The following NINJ2 variants were observed in gnomAD, a reference collection of about 807,000 sequenced individuals.
NINJ2 encodes ninjurin 2, also known as ninjurin-2.
A neutral mutation model predicts 11.7 loss-of-function variants in NINJ2; 12 were observed. The observed-to-expected ratio is 1.02, with a 90% CI of 0.66 to 1.66. The LOEUF (loss-of-function observed/expected upper bound fraction) is 1.66. Among genes scored for constraint, NINJ2 ranks in the 40% most tolerant of loss-of-function variants. The probability of loss-of-function intolerance (pLI) is 0.00; values close to 1 mark genes in which losing one functional copy is unlikely to be tolerated. For synonymous variants in NINJ2, 93 were observed against 76.8 expected (o/e 1.21, Z -1.10); for missense variants, 187 against 181.8 (o/e 1.03, Z -0.16).
At chr12:595,578 C>A (rs1947773799) in intron 1 of NINJ2, among the ~76,000 whole-genome samples, 1 of 152,146 alleles carries the variant, frequency 6.6e-6, no homozygotes, top group African/African-American at 2.4e-5. Context: ...AGTTCAAGAC[C>A]AGTCTGGCCA....
chr12:643,502 G>C, intron 1 of NINJ2: 2 of 988,172 alleles, frequency 2.0e-6, no homozygotes, highest in Non-Finnish European at 2.4e-6. Flanking sequence ...TTTGTCCCTG[G>C]AACTGTACCT....
chr12:576,688 C>G (rs1051720036), intron 1 of NINJ2, among the ~76,000 whole-genome samples: 1 of 152,230 alleles, frequency 6.6e-6, no homozygotes, highest in Non-Finnish European at 1.5e-5. Context: ...GCATTTTCCA[C>G]CTCCCCTGCA....
intron 1 of NINJ2, among the ~76,000 whole-genome samples, chr12:566,543 T>C (rs1268661277): frequency 1.3e-5 from 2 of 152,186 alleles, no homozygotes; most frequent in Admixed American, 6.5e-5. Context: ...CTGTGTTCTT[T>C]TCCTCTGAGA....
At chr12:587,538 TC>T (rs1316469836) in intron 1 of NINJ2, among the ~76,000 whole-genome samples, 1 of 152,236 alleles carries the variant, frequency 6.6e-6, no homozygotes, top group Non-Finnish European at 1.5e-5. Flanking sequence ...TTAGGGCTCC[TC>T]AGGCTCTCTG....
intron 1 of NINJ2, among the ~76,000 whole-genome samples, chr12:572,836 T>C (rs1947395998): frequency 6.7e-6 from 1 of 149,256 alleles, no homozygotes; most frequent in Non-Finnish European, 1.5e-5. Flanking sequence ...ATCCTCTATG[T>C]GCCAGAGCCT....
chr12:627,916 T>A lies in NINJ2; in HGVS notation c.33+35412A>T, dbSNP rs189802489. 5.9e-5 allele frequency among the ~76,000 whole-genome samples: 9 copies of A among 152,186 alleles called. No individual in the cohort carries two copies. In the East Asian group the frequency reaches 1.7e-3, roughly 29 times the overall value. ...GGCCACTGCACTCCAGCCTGAGCGA[T>A]AGAGCGAGACTCCGTCTCAAAAAGA... On this transcript the variant is annotated intron_variant, in intron 1 of 3. Transcript: ENST00000305108.
Position 629,881 on chromosome 12 carries a change from C to CAAAAAAAA in NINJ2, c.33+33439_33+33446dup, listed in dbSNP as rs1179186409. Among the ~76,000 whole-genome samples, 18 of 3,356 alleles carry CAAAAAAAA rather than the reference C, an allele frequency of 5.4e-3. 2 individuals are homozygous for CAAAAAAAA. The highest frequency in any genetic ancestry group is 9.9e-3 in the Non-Finnish European group (4 of 406). The allele number at this position is 3,356 out of a possible 152,430, so 2.2% of individuals were successfully genotyped here. A position where few individuals can be genotyped will look rare whatever the true frequency, so the allele number is the denominator to read the frequency against. On this transcript the variant is annotated intron_variant, in intron 1 of 3. Coordinates refer to ENST00000305108, the MANE Select transcript of NINJ2 (RefSeq NM_016533.6). ...CAGCCTCGGCGACAAGAGCAAAACT[C>CAAAAAAAA]AAAAAAAAAAAAAAAATATATATAT...
At chr12:595,386 G>A (rs955238797) in intron 1 of NINJ2, among the ~76,000 whole-genome samples, 1 of 152,148 alleles carries the variant, frequency 6.6e-6, no homozygotes, top group Non-Finnish European at 1.5e-5. Flanking sequence ...AGAAATAATT[G>A]ATAAACTGGA....
intron 1 of NINJ2, among the ~76,000 whole-genome samples, chr12:577,098 C>T (rs1231891145): frequency 1.3e-5 from 2 of 152,164 alleles, no homozygotes; most frequent in Non-Finnish European, 2.9e-5. Context: ...CCCCAGCTTT[C>T]GCACCATCGT....
chr12:635,662 A>T (rs1275511563), intron 1 of NINJ2, among the ~76,000 whole-genome samples: 1 of 152,242 alleles, frequency 6.6e-6, no homozygotes, highest in African/African-American at 2.4e-5. Flanking sequence ...TCTTCATGAC[A>T]TTGGACTTCA....
chr12:644,480 T>G (rs969529505), intron 1 of NINJ2: 3 of 152,186 alleles, frequency 2.0e-5, no homozygotes, highest in Non-Finnish European at 4.4e-5. Flanking sequence ...ATAAATAGAC[T>G]GCAGGGCAAG....
intron 1 of NINJ2, among the ~76,000 whole-genome samples, chr12:587,126 C>G (rs575595838): frequency 6.6e-6 from 1 of 152,338 alleles, no homozygotes; most frequent in East Asian, 1.9e-4. Flanking sequence ...AGGCTCAGCC[C>G]TTCCTGTGGA....
intron 1 of NINJ2, among the ~76,000 whole-genome samples, chr12:587,697 G>A (rs2607934): frequency 0.49 from 73,933 of 151,922 alleles, 18,518 homozygotes; most frequent in Non-Finnish European, 0.56. Flanking sequence ...CAGGTGGGGG[G>A]TGGGGGTGGC....
rs796629534 is a variant in NINJ2 at position 595,759 on chromosome 12, G to GA, written c.34-29582dup. On this transcript the variant is annotated intron_variant, in intron 1 of 3. Coordinates refer to ENST00000305108, the MANE Select transcript of NINJ2 (RefSeq NM_016533.6). Reference sequence around the variant, plus strand: ...CAAGAGTTAAACTCCGTCTTAGGGGGAAAAAAAAAACACTTTTGATAAAGG... The same window carrying GA: ...CAAGAGTTAAACTCCGTCTTAGGGGGAAAAAAAAAAACACTTTTGATAAAGG... 5.7e-4 allele frequency among the ~76,000 whole-genome samples: 83 copies of GA among 145,752 alleles called. 1 individual carries two copies. The South Asian group carries it at 8.3e-3, about 15-fold the overall frequency.
chr12:588,327 T>A (rs1161009560), intron 1 of NINJ2, among the ~76,000 whole-genome samples: 1 of 152,082 alleles, frequency 6.6e-6, no homozygotes, highest in Non-Finnish European at 1.5e-5. Context: ...AATCTTAGAA[T>A]GAGGAAAACC....
rs193046831 is a variant in NINJ2, at chr12:593,368, G to A, written c.34-27190C>T. Among the ~76,000 whole-genome samples, 98 of 152,256 alleles carry A rather than the reference G, an allele frequency of 6.4e-4. 1 individual carries two copies. Among genetic ancestry groups the A allele is most frequent in the African/African-American group, 2.1e-3 (86 of 41,540 alleles). On this transcript the variant is annotated intron_variant, in intron 1 of 3. Coordinates refer to ENST00000305108, the MANE Select transcript of NINJ2 (RefSeq NM_016533.6). The stretch of plus-strand genomic sequence containing the variant: ...GTTAAAGAAGCATCACAGGCAGGGC[G>A]CAGTGGCTCATGCCTGTGATGAAGC...
intron 1 of NINJ2, among the ~76,000 whole-genome samples, chr12:629,530 C>T (rs1387847658): frequency 6.6e-6 from 1 of 152,166 alleles, no homozygotes; most frequent in Non-Finnish European, 1.5e-5. Flanking sequence ...AGCCTGTGGG[C>T]CCCGTGCAGC....
At chr12:631,708 T>C (rs1948284191) in intron 1 of NINJ2, among the ~76,000 whole-genome samples, 1 of 152,188 alleles carries the variant, frequency 6.6e-6, no homozygotes, top group Non-Finnish European at 1.5e-5. Flanking sequence ...ATGCAAAGAT[T>C]GTCCCTGTGT....
rs1397819585 is a variant in NINJ2 at position 566,018 on chromosome 12, G to A, written c.194C>T (p.Thr65Ile). The A allele has an allele frequency of 2.5e-6, 4 of 1,614,248 alleles. No homozygotes were observed. The Admixed American group carries it at 5.0e-5, about 20-fold the overall frequency. Residue 65 changes from threonine to isoleucine, a missense_variant, in exon 2 of 4, where the codon ACC becomes ATC. Coordinates refer to ENST00000305108, the MANE Select transcript of NINJ2 (RefSeq NM_016533.6). The part of the protein sequence containing the change: ...EQGPSSHYYT[T>I]LVTLISLSLL... ...AGAGAGGCTGATGAGGGTGACCAGG[G>A]TGGTGTAGTAGTGAGAGGATGGTCC...
Sources: gnomAD v4.1 joint callset for allele counts (sites outside exome capture counted in the v4.1 genomes callset) on GRCh38, gnomAD v4.1.1 for gene constraint, MANE v1.5 for transcripts, NCBI Gene and HGNC (gene_info 2026-07-23, HGNC 2026-07-21) for gene names.